Variants in PRKD3 observed in about 807,000 individuals in gnomAD.
PRKD3 encodes protein kinase D3, also known as serine/threonine-protein kinase D3.
In PRKD3, 47 loss-of-function variants were observed where a neutral mutation model predicts 99.2. The ratio of observed to expected loss-of-function variants is 0.47; its 90% CI spans 0.38 to 0.60. The LOEUF (loss-of-function observed/expected upper bound fraction) is 0.60, where lower values mean the gene tolerates loss of function less well. Ranked by LOEUF, PRKD3 falls within the 20% of genes least tolerant of loss-of-function variation. The pLI is 0.00. For missense variants in PRKD3, 1,019 were observed against 1,088.4 expected, an observed-to-expected ratio of 0.94 and a Z score of 0.90; for synonymous variants, 392 against 355.4, an observed-to-expected ratio of 1.10 and a Z score of -1.16.
intron 14 of PRKD3, among the ~76,000 whole-genome samples, chr2:37,262,260 T>G (rs1037140107): frequency 2.0e-5 from 3 of 152,184 alleles, no homozygotes; most frequent in Non-Finnish European, 4.4e-5. Flanking sequence ...GAAGCCTTAA[T>G]TTTAGCCCAC....
intron 2 of PRKD3, among the ~76,000 whole-genome samples, chr2:37,294,396 T>C (rs2124850532): frequency 6.6e-6 from 1 of 152,284 alleles, no homozygotes. Context: ...ACAACTGGCC[T>C]CTCAAATCTT....
chr2:37,322,097 T>G (rs971103104), intron 1 of PRKD3, among the ~76,000 whole-genome samples: 6 of 152,212 alleles, frequency 3.9e-5, no homozygotes, highest in African/African-American at 1.4e-4. Flanking sequence ...TGTCCACGCC[T>G]CTTGACATGT....
intron 1 of PRKD3, among the ~76,000 whole-genome samples, chr2:37,323,783 C>A (rs1483043590): frequency 2.0e-5 from 3 of 152,162 alleles, no homozygotes; most frequent in Non-Finnish European, 4.4e-5. Context: ...CTGTGTCGCA[C>A]CAAGCAGCAG....
In PRKD3 at chr2:37,267,363, GA is replaced by G. The variant is rs1274032823; in HGVS notation, c.1884+66del. The G allele has an allele frequency of 4.6e-6, 4 of 867,496 alleles. No individual in the cohort carries two copies. The East Asian group carries it at 9.2e-5, about 20-fold the overall frequency. The allele number at this position is 867,496 out of a possible 1,614,324, so 53.7% of individuals were successfully genotyped here. A position where few individuals can be genotyped will look rare whatever the true frequency, so the allele number is the denominator to read the frequency against. On this transcript the variant is annotated intron_variant, in intron 14 of 18. Coordinates refer to ENST00000234179, the MANE Select transcript of PRKD3 (RefSeq NM_005813.6). The stretch of plus-strand genomic sequence containing the variant: ...TGCCTTCTTAAAAAAAAAAAAAAAA[GA>G]GAAGCAGTTAATTCAGATTCTTACC...
rs1667640755 is a variant in PRKD3 at position 37,253,039 on chromosome 2, G to C, written c.*138C>G. 2 of 851,032 alleles carry C rather than the reference G, an allele frequency of 2.4e-6. No individual in the cohort carries two copies. Among genetic ancestry groups the C allele is most frequent in the South Asian group, 4.5e-5 (2 of 44,516 alleles). 52.7% of individuals were successfully genotyped at this position (851,032 alleles called of 1,614,324 possible). A position where few individuals can be genotyped will look rare whatever the true frequency, so the allele number is the denominator to read the frequency against. On this transcript the variant is annotated 3_prime_UTR_variant, in exon 19 of 19. Coordinates refer to ENST00000234179, the MANE Select transcript of PRKD3 (RefSeq NM_005813.6). The stretch of plus-strand genomic sequence containing the variant: ...CTGTACCTACTCATTATGAACTACA[G>C]TACTGGTGTCACTTATTCGTTATCA...
Position 37,290,815 on chromosome 2 carries a change from A to G in PRKD3, c.559+53T>C, listed in dbSNP as rs1670380742. On this transcript the variant is annotated intron_variant, in intron 4 of 18. Coordinates refer to ENST00000234179, the MANE Select transcript of PRKD3 (RefSeq NM_005813.6). ...CTTGCTTTTTCACTGATAATAAAAA[A>G]TGCAAATGTGGAATCTTATTTCAAA... 2.7e-6 allele frequency: 4 copies of G among 1,502,458 alleles called. No homozygotes were observed. The Admixed American group carries it at 6.0e-5, about 22-fold the overall frequency. The allele number at this position is 1,502,458 out of a possible 1,614,324, so 93.1% of individuals were successfully genotyped here. A position where few individuals can be genotyped will look rare whatever the true frequency, so the allele number is the denominator to read the frequency against.
Position 37,273,052 on chromosome 2 carries a change from CTG to C in PRKD3, c.1652-622_1652-621del, listed in dbSNP as rs1354309674. On this transcript the variant is annotated intron_variant, in intron 11 of 18. Transcript: ENST00000234179. Reference sequence around the variant, plus strand: ...CAGTGCTTAAATTAAAAACAAAAATCTGTGATTACTTTTGGTGAGTGGAAGAG... The same window carrying C: ...CAGTGCTTAAATTAAAAACAAAAATCTGATTACTTTTGGTGAGTGGAAGAG... Among the ~76,000 whole-genome samples the C allele has an allele frequency of 3.3e-5, 5 of 152,008 alleles. No homozygotes were observed. In the South Asian group the frequency reaches 6.2e-4, roughly 19 times the overall value.
chr2:37,268,607 T>G (rs1041279106), intron 13 of PRKD3: 13 of 257,576 alleles, frequency 5.0e-5, no homozygotes, highest in Non-Finnish European at 7.6e-5. Flanking sequence ...ATGTTTTTAT[T>G]TGATGGAGAA....
chr2:37,262,466 A>C (rs1369024166), intron 14 of PRKD3, among the ~76,000 whole-genome samples: 2 of 152,228 alleles, frequency 1.3e-5, no homozygotes, highest in African/African-American at 2.4e-5. Flanking sequence ...CTTGTTTGCT[A>C]ATCATTTTAA....
rs757510331 is a variant in PRKD3 at position 37,253,145 on chromosome 2, G to A, written c.*32C>T. The A allele has an allele frequency of 6.4e-7, 1 of 1,553,394 alleles. No homozygotes were observed. Among genetic ancestry groups the A allele is most frequent in the South Asian group, 1.2e-5 (1 of 84,778 alleles). ...ACAGCAAAATATCAGTCCATAAAATGAAATCCTTCCTTATTTAGGTTAGCT... is the reference window on the plus strand; with the variant it reads ...ACAGCAAAATATCAGTCCATAAAATAAAATCCTTCCTTATTTAGGTTAGCT... On this transcript the variant is annotated 3_prime_UTR_variant, in exon 19 of 19. Transcript: ENST00000234179.
chr2:37,313,337 GA>G (rs35889491), intron 2 of PRKD3, among the ~76,000 whole-genome samples: 8,606 of 143,902 alleles, frequency 0.06, 721 homozygotes, highest in East Asian at 0.35. Context: ...CGGAATTGAT[GA>G]AAAAAAAAAA....
In PRKD3 at chr2:37,252,978, G is replaced by T; in HGVS notation, c.*199C>A. ...AAAAGTTTATAAAAAGCTTCACCTT[G>T]ATTCCATTATGACTTCTTATTATTC... On this transcript the variant is annotated 3_prime_UTR_variant, in exon 19 of 19. Transcript: ENST00000234179. 2 of 442,080 alleles carry T rather than the reference G, an allele frequency of 4.5e-6. No homozygotes were observed. Among genetic ancestry groups the T allele is most frequent in the Non-Finnish European group, 3.7e-6 (1 of 266,864 alleles). The allele number at this position is 442,080 out of a possible 1,614,324, so 27.4% of individuals were successfully genotyped here. A position where few individuals can be genotyped will look rare whatever the true frequency, so the allele number is the denominator to read the frequency against.
chr2:37,253,280 C>T lies in PRKD3; in HGVS notation c.2570G>A (p.Ser857Asn). 2 of 1,613,158 alleles carry T rather than the reference C, an allele frequency of 1.2e-6. No homozygotes were observed. The highest frequency in any genetic ancestry group is 1.7e-6 in the Non-Finnish European group (2 of 1,179,294). The change falls in exon 19 of 19, where the codon AGT becomes AAT. Residue 857 changes from serine (S) to asparagine (N), a missense_variant. Transcript: ENST00000234179. ...ATGTATTTCCCAGCGAGCATCATCA[C>T]TTTCATGTGTAATGTAACGTTCTCC... ...RIGERYITHESDDARWEIHAY... is the reference protein window; with the variant it reads ...RIGERYITHENDDARWEIHAY...
intron 2 of PRKD3, among the ~76,000 whole-genome samples, chr2:37,315,629 G>A (rs904279693): frequency 6.6e-6 from 1 of 152,160 alleles, no homozygotes; most frequent in Non-Finnish European, 1.5e-5. Context: ...GAAAACAAAT[G>A]AGATTTCTTA....
At chr2:37,271,854 A>G (rs1237259442) in intron 12 of PRKD3, among the ~76,000 whole-genome samples, 1 of 152,196 alleles carries the variant, frequency 6.6e-6, no homozygotes, top group African/African-American at 2.4e-5. Flanking sequence ...CTTACTAAAA[A>G]GTTTACGGAA....
At chr2:37,275,352 G>C (rs1669515662) in intron 10 of PRKD3, among the ~76,000 whole-genome samples, 1 of 152,146 alleles carries the variant, frequency 6.6e-6, no homozygotes, top group Non-Finnish European at 1.5e-5. Flanking sequence ...AAGGAAGACT[G>C]TAAAAAGGAG....
intron 3 of PRKD3, 33 bp downstream of exon 3, chr2:37,293,100 A>ATTT (rs1670511917): frequency 6.6e-7 from 1 of 1,519,924 alleles, no homozygotes; most frequent in Non-Finnish European, 9.0e-7. Context: ...TTTGAGGGGA[A>ATTT]AAGGCAATCA....
chr2:37,306,264 C>G (rs1671162294), intron 2 of PRKD3, among the ~76,000 whole-genome samples: 3 of 152,150 alleles, frequency 2.0e-5, no homozygotes, highest in South Asian at 4.1e-4. Flanking sequence ...CTGTTTGGCT[C>G]AATTCCAGTT....
intron 2 of PRKD3, among the ~76,000 whole-genome samples, chr2:37,300,341 TA>T (rs1306132098): frequency 6.6e-6 from 1 of 151,868 alleles, no homozygotes; most frequent in Non-Finnish European, 1.5e-5. Flanking sequence ...CTCATGGAGA[TA>T]GAGAGTAGAA....
Sources: gnomAD v4.1 joint callset for allele counts (sites outside exome capture counted in the v4.1 genomes callset) on GRCh38, gnomAD v4.1.1 for gene constraint, MANE v1.5 for transcripts, NCBI Gene and HGNC (gene_info 2026-07-23, HGNC 2026-07-21) for gene names.